Variants in TG observed in about 807,000 individuals in gnomAD.
TG encodes thyroid hormones.
Under a neutral mutation model 324.7 loss-of-function variants are expected in TG, and 270 were observed. The ratio of observed to expected loss-of-function variants is 0.83; its 90% CI spans 0.75 to 0.92. The LOEUF is 0.92. TG is among the 40% of genes least tolerant of loss of function. The probability of loss-of-function intolerance (pLI) is 0.00; values close to 1 mark genes in which losing one functional copy is unlikely to be tolerated. For missense variants in TG, 3,591 were observed against 3,456.4 expected (o/e 1.04, Z -0.98); for synonymous variants, 1,401 against 1,327.0 (o/e 1.06, Z -1.21).
At chr8:132,913,379 T>C in intron 20 of TG, 114 bp downstream of exon 20, 1 of 1,123,376 alleles carries the variant, frequency 8.9e-7, no homozygotes, top group Non-Finnish European at 1.3e-6. Context: ...GAACCATCCA[T>C]TTAGTTAACG....
At chr8:132,923,187 AGAACAGTGG>A (rs530228387) in intron 21 of TG, 142 bp from the exon 22 acceptor site, 38 of 898,376 alleles carry the variant, frequency 4.2e-5, no homozygotes, top group Non-Finnish European at 6.6e-5. Flanking sequence ...CTTATTGATC[AGAACAGTGG>A]GAACACTGAA....
At chr8:133,126,565 C>T (rs1851534356) in intron 45 of TG, among the ~76,000 whole-genome samples, 1 of 133,296 alleles carries the variant, frequency 7.5e-6, no homozygotes, top group South Asian at 2.3e-4. Flanking sequence ...GCAAATATCT[C>T]CTCTGGGGCC....
At chr8:133,049,499 G>A in intron 41 of TG, 1 of 282,890 alleles carries the variant, frequency 3.5e-6, no homozygotes, top group Non-Finnish European at 7.0e-6. Context: ...TGACAGGTGA[G>A]GAAAGGGAAC....
At chr8:132,881,749 G>C (rs1331537021) in intron 5 of TG, 114 bp from the exon 6 acceptor site, 1 of 774,886 alleles carries the variant, frequency 1.3e-6, no homozygotes, top group Non-Finnish European at 2.3e-6. Context: ...CATGTGATAA[G>C]AAAGTAGACA....
chr8:133,044,566 A>G (rs149494891), intron 41 of TG, among the ~76,000 whole-genome samples: 1 of 152,314 alleles, frequency 6.6e-6, no homozygotes, highest in Non-Finnish European at 1.5e-5. Flanking sequence ...GCTAACTCCT[A>G]TAGCTTCATC....
At chr8:132,874,069 G>A (rs554598812) in intron 5 of TG, among the ~76,000 whole-genome samples, 80 of 152,300 alleles carry the variant, frequency 5.3e-4, no homozygotes, top group Admixed American at 1.4e-3. Context: ...CTACTTGGGA[G>A]GCTGAGGCAG....
At position 132,887,258 on chromosome 8, in the gene TG, T is replaced by G. The variant is rs753981636; in HGVS notation, c.1886T>G (p.Val629Gly). The stretch of plus-strand genomic sequence containing the variant: ...ACGACAGAAGGAAGCTATGAGGATG[T>G]CCAATGCTTTTCCGGAGAGTGCTGG... ...SCTTEGSYED[V>G]QCFSGECWCV... Residue 629 changes from valine (V) to glycine (G), a missense_variant, in exon 9 of 48, where the codon GTC (valine) becomes GGC (glycine). Coordinates refer to ENST00000220616, the MANE Select transcript of TG (RefSeq NM_003235.5). 1.0e-5 allele frequency: 16 copies of G among 1,602,956 alleles called. No homozygotes were observed. The South Asian group carries it at 1.7e-4, about 17-fold the overall frequency.
At chr8:133,075,250 A>G (rs531839283) in intron 41 of TG, 13 of 445,186 alleles carry the variant, frequency 2.9e-5, no homozygotes, top group Admixed American at 1.9e-4. Context: ...AGGCAAATCA[A>G]TGGGGCTGTG....
At chr8:132,988,420 G>A (rs1831877154) in intron 35 of TG, among the ~76,000 whole-genome samples, 1 of 152,162 alleles carries the variant, frequency 6.6e-6, no homozygotes, top group Non-Finnish European at 1.5e-5. Flanking sequence ...ACCAACAGGT[G>A]CAGAAGAGGA....
At position 132,972,672 on chromosome 8, in the gene TG, C is replaced by T. The variant is rs751735110; in HGVS notation, c.6130C>T (p.Arg2044Cys). Residue 2044 changes from arginine to cysteine, a missense_variant, in exon 34 of 48, where the codon CGC (arginine) becomes TGC (cysteine). Arg to Cys is a radical substitution (Grantham distance 180, BLOSUM62 -3). Transcript: ENST00000220616. ...CAGTGAGGAGAATGGAGGAGCCTGG[C>T]GCATTTTGGACTGTGGCTCTCCTGA... ...MCSEENGGAWRILDCGSPDIE... is the reference protein window; with the variant it reads ...MCSEENGGAWCILDCGSPDIE... The T allele has an allele frequency of 2.9e-5, 47 of 1,612,256 alleles. No individual in the cohort carries two copies. Among genetic ancestry groups the T allele is most frequent in the African/African-American group, 2.2e-4 (16 of 74,260 alleles).
At chr8:132,877,286 T>C (rs750528324) in intron 5 of TG, among the ~76,000 whole-genome samples, 62 of 152,092 alleles carry the variant, frequency 4.1e-4, no homozygotes, top group Non-Finnish European at 8.5e-4. Context: ...ATTACAGGCA[T>C]GCGCCACCCC....
At chr8:132,980,475 C>T (rs571527446) in intron 34 of TG, among the ~76,000 whole-genome samples, 1 of 152,224 alleles carries the variant, frequency 6.6e-6, no homozygotes, top group Non-Finnish European at 1.5e-5. Flanking sequence ...CCCTCTTGTC[C>T]TATGCACCCC....
In TG at chr8:132,923,310, G is replaced by A. The variant is rs369786433; in HGVS notation, c.4529-28G>A. ...CAGGGGATTCCAGAGGCCCATTATTGACGGCTATGTCAATCTATTGGTTCT... is the reference window on the plus strand; with the variant it reads ...CAGGGGATTCCAGAGGCCCATTATTAACGGCTATGTCAATCTATTGGTTCT... On this transcript the variant is annotated intron_variant, in intron 21 of 47. Coordinates refer to ENST00000220616, the MANE Select transcript of TG (RefSeq NM_003235.5). 3.1e-6 allele frequency: 5 copies of A among 1,613,638 alleles called. No individual in the cohort carries two copies. The African/African-American group carries it at 4.0e-5, about 13-fold the overall frequency.
chr8:132,976,786 G>T (rs539659301), intron 34 of TG, among the ~76,000 whole-genome samples: 1 of 152,154 alleles, frequency 6.6e-6, no homozygotes, highest in East Asian at 1.9e-4. Context: ...CTGTCACAAG[G>T]TTGTGTTGAC....
intron 5 of TG, among the ~76,000 whole-genome samples, chr8:132,877,742 C>T (rs1010471785): frequency 6.6e-6 from 1 of 152,202 alleles, no homozygotes; most frequent in Admixed American, 6.5e-5. Flanking sequence ...GAGGATTCTT[C>T]TATGGCCACC....
chr8:132,906,602 T>G, intron 16 of TG, 86 bp from the exon 17 acceptor site: 2 of 1,497,498 alleles, frequency 1.3e-6, no homozygotes, highest in East Asian at 2.3e-5. Flanking sequence ...CCAGTGTGAG[T>G]GAGAAGGAGA....
intron 41 of TG, among the ~76,000 whole-genome samples, chr8:133,061,900 C>A (rs957935867): frequency 6.6e-6 from 1 of 152,134 alleles, no homozygotes; most frequent in African/African-American, 2.4e-5. Context: ...AGGTGAGACT[C>A]CTACTATATT....
chr8:133,091,327 G>A (rs959792235), intron 41 of TG, among the ~76,000 whole-genome samples: 1 of 152,214 alleles, frequency 6.6e-6, no homozygotes, highest in South Asian at 2.1e-4. Context: ...TGTAGATGAG[G>A]ATTCACATTC....
In TG at chr8:133,017,871, G is replaced by T. The variant is rs769720524; in HGVS notation, c.6656G>T (p.Gly2219Val). ...GGCAGGTCCCAGGCCATCCAGGTGG[G>T]TACCTCATGGAAGCAAGTGGACCAG... ...LLGRSQAIQV[G>V]TSWKQVDQFL... is the part of the protein sequence containing the mutation. Residue 2219 changes from glycine to valine, a missense_variant, in exon 38 of 48, where the codon GGT (glycine) becomes GTT (valine). Coordinates refer to ENST00000220616, the MANE Select transcript of TG (RefSeq NM_003235.5). 6.2e-7 allele frequency: 1 copy of T among 1,614,164 alleles called. No homozygotes were observed. The highest frequency in any genetic ancestry group is 2.2e-5 in the East Asian group (1 of 44,868).
Sources: allele counts gnomAD v4.1 joint callset (sites outside exome capture counted in the v4.1 genomes callset), GRCh38; gene constraint gnomAD v4.1.1; transcripts MANE v1.5; gene names NCBI Gene and HGNC (gene_info 2026-07-23, HGNC 2026-07-21).